Variants in SDK1 observed in about 807,000 individuals in gnomAD.
SDK1 encodes the protein sidekick cell adhesion molecule 1, also known as protein sidekick-1.
In SDK1, 157 loss-of-function variants were observed where a neutral mutation model predicts 245.5. The ratio of observed to expected loss-of-function variants is 0.64; its 90% CI spans 0.56 to 0.73. The LOEUF is 0.73. SDK1 is among the 30% of genes least tolerant of loss of function. SDK1 has a pLI of 0.00. For missense variants in SDK1, 3,583 were observed against 3,002.3 expected, an observed-to-expected ratio of 1.19 and a Z score of -4.52; for synonymous variants, 1,647 against 1,278.5, an observed-to-expected ratio of 1.29 and a Z score of -6.15.
At chr7:3,998,703 A>G (rs188226059) in intron 14 of SDK1, among the ~76,000 whole-genome samples, 6 of 152,330 alleles carry the variant, frequency 3.9e-5, no homozygotes, top group Admixed American at 6.5e-5. Flanking sequence ...CCTGTTTTCT[A>G]TGAATTAGGA....
chr7:4,158,494 G>A lies in SDK1; in HGVS notation c.4672G>A (p.Asp1558Asn), dbSNP rs762780606. 12 of 1,613,826 alleles carry A rather than the reference G, an allele frequency of 7.4e-6. No individual in the cohort carries two copies. The highest frequency in any genetic ancestry group is 1.1e-5 in the South Asian group (1 of 91,076). The change falls in exon 31 of 45, where the codon GAC becomes AAC. Residue 1558 changes from aspartate to asparagine, a missense_variant. Physicochemically the swap from Asp to Asn is conservative, Grantham distance 23. Transcript: ENST00000404826. The stretch of plus-strand genomic sequence containing the variant: ...CAAGCTGCGCCTGAAAGCCACCAAC[G>A]ACATTGGGGACAGTGACTTCAGTTC... ...SYKLRLKATN[D>N]IGDSDFSSET...
chr7:3,350,468 T>C (rs1162469583), intron 1 of SDK1, among the ~76,000 whole-genome samples: 1 of 152,156 alleles, frequency 6.6e-6, no homozygotes, highest in African/African-American at 2.4e-5. Context: ...ACAGATTACA[T>C]TGCCCAGAAG....
intron 32 of SDK1, among the ~76,000 whole-genome samples, chr7:4,163,910 C>T (rs1054594151): frequency 9.2e-5 from 14 of 152,216 alleles, no homozygotes; most frequent in Non-Finnish European, 1.0e-4. Context: ...TCACTTGCTA[C>T]TGCCACTTAT....
intron 1 of SDK1, among the ~76,000 whole-genome samples, chr7:3,616,224 CATT>C (rs1430711039): frequency 1.3e-5 from 2 of 152,264 alleles, no homozygotes; most frequent in East Asian, 1.9e-4. Context: ...TCATCATCAT[CATT>C]ATCATATTGA....
At chr7:4,202,161 G>T (rs545119356) in intron 35 of SDK1, among the ~76,000 whole-genome samples, 1 of 152,228 alleles carries the variant, frequency 6.6e-6, no homozygotes, top group South Asian at 2.1e-4. Context: ...ACTCCGCCTG[G>T]CACCGTGATT....
chr7:3,866,465 C>G (rs894195385), intron 5 of SDK1, among the ~76,000 whole-genome samples: 1 of 152,174 alleles, frequency 6.6e-6, no homozygotes, highest in Non-Finnish European at 1.5e-5. Context: ...AACAAGTACA[C>G]AGGCCTTAGG....
intron 38 of SDK1, among the ~76,000 whole-genome samples, chr7:4,211,035 G>T (rs1013454770): frequency 3.3e-5 from 5 of 152,146 alleles, no homozygotes; most frequent in African/African-American, 1.2e-4. Flanking sequence ...GGTGAGTGGG[G>T]TGCAGGCACT....
intron 5 of SDK1, among the ~76,000 whole-genome samples, chr7:3,838,253 G>A (rs1210601156): frequency 6.6e-6 from 1 of 152,248 alleles, no homozygotes; most frequent in South Asian, 2.1e-4. Context: ...AGGCACGGAA[G>A]TTAGGGAAGT....
At chr7:4,192,865 C>T (rs1017469324) in intron 35 of SDK1, among the ~76,000 whole-genome samples, 1 of 151,698 alleles carries the variant, frequency 6.6e-6, no homozygotes, top group Non-Finnish European at 1.5e-5. Context: ...TCAAGCAGCT[C>T]TCAGACATCA....
chr7:3,582,199 T>C (rs1017772807), intron 1 of SDK1, among the ~76,000 whole-genome samples: 2 of 140,714 alleles, frequency 1.4e-5, no homozygotes, highest in South Asian at 2.3e-4. Flanking sequence ...GGTAGGTCTG[T>C]CTCAGGTAGG....
At chr7:4,199,347 C>T (rs892197397) in intron 35 of SDK1, among the ~76,000 whole-genome samples, 11 of 152,230 alleles carry the variant, frequency 7.2e-5, no homozygotes, top group Admixed American at 2.0e-4. Flanking sequence ...TTGGCTCAAG[C>T]GTCTTTTAAC....
intron 1 of SDK1, among the ~76,000 whole-genome samples, chr7:3,351,856 C>G (rs1363256095): frequency 6.6e-6 from 1 of 152,054 alleles, no homozygotes; most frequent in African/African-American, 2.4e-5. Flanking sequence ...ATATGGAAGA[C>G]TTAAAGAACA....
intron 20 of SDK1, among the ~76,000 whole-genome samples, chr7:4,074,018 AG>A (rs777023110): frequency 2.0e-5 from 3 of 152,108 alleles, no homozygotes; most frequent in South Asian, 2.1e-4. Flanking sequence ...GTTGTTGGGC[AG>A]GGGGCCGTAG....
intron 19 of SDK1, among the ~76,000 whole-genome samples, chr7:4,060,827 A>C (rs1216907899): frequency 1.3e-5 from 2 of 152,076 alleles, no homozygotes; most frequent in Non-Finnish European, 2.9e-5. Context: ...TATAAGGTGT[A>C]AGGAGGGGAT....
chr7:3,893,760 C>G (rs1336258607), intron 5 of SDK1, among the ~76,000 whole-genome samples: 1 of 151,820 alleles, frequency 6.6e-6, no homozygotes, highest in Admixed American at 6.6e-5. Flanking sequence ...TGTCTCTTCT[C>G]CACATCTTAC....
chr7:3,932,086 C>T (rs1248034339), intron 5 of SDK1, among the ~76,000 whole-genome samples: 1 of 152,168 alleles, frequency 6.6e-6, no homozygotes, highest in African/African-American at 2.4e-5. Context: ...CCCACACTGA[C>T]CAGCTTGGTT....
intron 35 of SDK1, among the ~76,000 whole-genome samples, chr7:4,205,335 A>G (rs748051057): frequency 1.6e-4 from 24 of 152,140 alleles, no homozygotes; most frequent in Non-Finnish European, 3.2e-4. Flanking sequence ...TCAATCAGTA[A>G]TATTAGTGAC....
At chr7:3,681,721 T>A (rs1046837907) in intron 4 of SDK1, among the ~76,000 whole-genome samples, 1 of 152,212 alleles carries the variant, frequency 6.6e-6, no homozygotes, top group Non-Finnish European at 1.5e-5. Context: ...AGTAGGCACA[T>A]AATAATTACT....
At chr7:4,159,008 T>G (rs1023181055) in intron 31 of SDK1, among the ~76,000 whole-genome samples, 1 of 152,128 alleles carries the variant, frequency 6.6e-6, no homozygotes, top group African/African-American at 2.4e-5. Context: ...TGAAGATGGA[T>G]TGTTATTCTG....
Sources: gnomAD v4.1 joint callset for allele counts (sites outside exome capture counted in the v4.1 genomes callset) on GRCh38, gnomAD v4.1.1 for gene constraint, MANE v1.5 for transcripts, NCBI Gene and HGNC (gene_info 2026-07-23, HGNC 2026-07-21) for gene names.